The following EYS variants were observed in gnomAD, a reference collection of about 807,000 sequenced individuals.
EYS encodes protein eyes shut homolog.
Under a neutral mutation model 282.1 loss-of-function variants are expected in EYS, and 250 were observed. That is an observed-to-expected ratio of 0.89 (90% CI 0.80 to 0.98). The LOEUF (loss-of-function observed/expected upper bound fraction) is 0.98, where lower values mean the gene tolerates loss of function less well. Ranked by LOEUF, EYS falls within the 50% of genes least tolerant of loss-of-function variation. EYS has a pLI of 0.00. For missense variants in EYS, 4,016 were observed against 3,709.0 expected, an observed-to-expected ratio of 1.08 and a Z score of -2.15; for synonymous variants, 1,355 against 1,282.9, an observed-to-expected ratio of 1.06 and a Z score of -1.20.
intron 27 of EYS, among the ~76,000 whole-genome samples, chr6:64,438,894 G>A (rs1463430597): frequency 2.0e-5 from 3 of 151,410 alleles, no homozygotes; most frequent in Non-Finnish European, 4.4e-5. Flanking sequence ...ATAAATATGT[G>A]ATTAATGAAA....
intron 1 of EYS, among the ~76,000 whole-genome samples, chr6:65,676,358 A>G (rs1185181475): frequency 6.6e-6 from 1 of 151,774 alleles, no homozygotes; most frequent in Non-Finnish European, 1.5e-5. Flanking sequence ...GAGAGTATTG[A>G]AATAAAATTA....
At chr6:64,964,178 C>T (rs577949501) in intron 14 of EYS, among the ~76,000 whole-genome samples, 1 of 152,066 alleles carries the variant, frequency 6.6e-6, no homozygotes, top group South Asian at 2.1e-4. Flanking sequence ...ATAAAAGTAG[C>T]TCAAATTTTA....
chr6:64,118,489 A>G (rs1464798107), intron 31 of EYS, among the ~76,000 whole-genome samples: 1 of 152,168 alleles, frequency 6.6e-6, no homozygotes, highest in East Asian at 1.9e-4. Context: ...ATCCATATCC[A>G]GAAAAATGAA....
intron 2 of EYS, among the ~76,000 whole-genome samples, chr6:65,623,738 G>T (rs1470240316): frequency 6.6e-6 from 1 of 152,148 alleles, no homozygotes; most frequent in Non-Finnish European, 1.5e-5. Flanking sequence ...ACTAATGTAT[G>T]TACATTTCTT....
intron 33 of EYS, 125 bp downstream of exon 33, chr6:64,066,213 G>T: frequency 4.0e-6 from 3 of 759,346 alleles, no homozygotes; most frequent in Non-Finnish European, 6.2e-6. Flanking sequence ...GGGAGGCGGA[G>T]GTTGTAGTGA....
chr6:65,681,230 C>T (rs2149838441), intron 1 of EYS, among the ~76,000 whole-genome samples: 1 of 152,000 alleles, frequency 6.6e-6, no homozygotes, highest in East Asian at 1.9e-4. Flanking sequence ...TAACCTTCAG[C>T]CCCAACTCAT....
intron 16 of EYS, among the ~76,000 whole-genome samples, chr6:64,906,468 C>G (rs917721134): frequency 6.6e-6 from 1 of 152,122 alleles, no homozygotes; most frequent in African/African-American, 2.4e-5. Flanking sequence ...TTTATACAAA[C>G]TATTTTGTCA....
chr6:64,728,809 A>G (rs1328163677), intron 22 of EYS: 2 of 152,246 alleles, frequency 1.3e-5, no homozygotes, highest in Non-Finnish European at 2.9e-5. Flanking sequence ...TTCAGTGTCC[A>G]GGAAAAATCA....
At chr6:64,511,874 G>T (rs1777416037) in intron 26 of EYS, among the ~76,000 whole-genome samples, 1 of 151,910 alleles carries the variant, frequency 6.6e-6, no homozygotes, top group Admixed American at 6.6e-5. Flanking sequence ...AAAATCAGAT[G>T]CTAGCTTCCT....
intron 35 of EYS, among the ~76,000 whole-genome samples, chr6:63,924,686 C>G (rs1000859247): frequency 6.6e-6 from 1 of 152,072 alleles, no homozygotes; most frequent in Non-Finnish European, 1.5e-5. Context: ...AAATATGAAG[C>G]CAAGGCCAGA....
chr6:63,744,712 C>T (rs544145602), intron 41 of EYS: 18 of 162,488 alleles, frequency 1.1e-4, no homozygotes, highest in South Asian at 4.5e-4. Context: ...GGATTACGGG[C>T]GCCCACCACT....
chr6:65,274,143 C>T (rs60363480), intron 12 of EYS, among the ~76,000 whole-genome samples: 1 of 152,150 alleles, frequency 6.6e-6, no homozygotes, highest in Non-Finnish European at 1.5e-5. Flanking sequence ...ACATACTCAG[C>T]AGCTGACTTG....
chr6:64,233,077 G>T (rs1243107928), intron 30 of EYS, among the ~76,000 whole-genome samples: 1 of 152,068 alleles, frequency 6.6e-6, no homozygotes, highest in Non-Finnish European at 1.5e-5. Context: ...ACTTTCTCAG[G>T]AATAAATTAG....
At chr6:64,926,566 T>C (rs1768523370) in intron 15 of EYS, among the ~76,000 whole-genome samples, 1 of 152,188 alleles carries the variant, frequency 6.6e-6, no homozygotes, top group Non-Finnish European at 1.5e-5. Context: ...AATCACTCTC[T>C]ATCTCATGCA....
At chr6:64,696,126 G>T (rs945900095) in intron 22 of EYS, among the ~76,000 whole-genome samples, 2 of 151,962 alleles carry the variant, frequency 1.3e-5, no homozygotes, top group Admixed American at 6.6e-5. Flanking sequence ...ATCAATTCAG[G>T]ATATGAATGA....
intron 30 of EYS, among the ~76,000 whole-genome samples, chr6:64,296,791 G>A (rs62413914): frequency 0.58 from 88,013 of 151,078 alleles, 26,731 homozygotes; most frequent in Non-Finnish European, 0.68. Context: ...ATTTTTAGTA[G>A]AGACGGGGTT....
rs1293681243 is a variant in EYS at position 65,689,290 on chromosome 6, C to T, written c.-448+17845G>A. ...ATCGCAAGGACAAAAAACCAAACAC[C>T]GCATGTTCTCACTCATAGGTGGGAA... On this transcript the variant is annotated intron_variant, in intron 1 of 42. Transcript: ENST00000503581. Among the ~76,000 whole-genome samples the T allele has an allele frequency of 6.7e-5, 10 of 149,604 alleles. 1 individual carries two copies. Among genetic ancestry groups the T allele is most frequent in the Admixed American group, 3.4e-4 (5 of 14,836 alleles).
At chr6:65,574,471 T>A (rs1167015906) in intron 2 of EYS, among the ~76,000 whole-genome samples, 182 of 151,824 alleles carry the variant, frequency 1.2e-3, no homozygotes, top group Non-Finnish European at 2.4e-4. Context: ...AGAACAGGAG[T>A]AGCTAGCTAT....
chr6:65,641,443 G>A (rs72648382), intron 1 of EYS, among the ~76,000 whole-genome samples: 53,294 of 152,086 alleles, frequency 0.35, 11,694 homozygotes, highest in Non-Finnish European at 0.48. Flanking sequence ...GAGATCTCTG[G>A]CAAGTTCTAA....
Sources: gnomAD v4.1 joint callset for allele counts (sites outside exome capture counted in the v4.1 genomes callset) on GRCh38, gnomAD v4.1.1 for gene constraint, MANE v1.5 for transcripts, NCBI Gene and HGNC (gene_info 2026-07-23, HGNC 2026-07-21) for gene names.